The following GCM1 variants were observed in gnomAD, a reference collection of about 807,000 sequenced individuals.
GCM1 encodes the protein GCM transcription factor 1, also known as chorion-specific transcription factor GCMa.
In GCM1, 2 loss-of-function variants were observed where a neutral mutation model predicts 25.7. That is an observed-to-expected ratio of 0.08 (90% CI 0.03 to 0.24). The LOEUF (loss-of-function observed/expected upper bound fraction) is 0.24. GCM1 is among the 10% of genes least tolerant of loss of function. GCM1 has a pLI of 1.00. For missense variants in GCM1, 395 were observed against 538.7 expected (o/e 0.73, Z 2.64); for synonymous variants, 183 against 195.7 (o/e 0.94, Z 0.54).
In GCM1 at chr6:53,139,053, T is replaced by C. The variant is rs143266179; in HGVS notation, c.76-4729A>G. On this transcript the variant is annotated intron_variant, in intron 2 of 5. Transcript: ENST00000259803. ...TCATATTATGAAATTGATTTTCTTTTGGAATATAGTCTGCTCTTGCATAAA... is the reference window on the plus strand; with the variant it reads ...TCATATTATGAAATTGATTTTCTTTCGGAATATAGTCTGCTCTTGCATAAA... Among the ~76,000 whole-genome samples the C allele has an allele frequency of 3.4e-3, 523 of 152,354 alleles. 12 individuals carry two copies. In the East Asian group the frequency reaches 0.073, roughly 21 times the overall value.
chr6:53,145,811 TA>T (rs59049517), intron 1 of GCM1, 43 bp from the exon 2 acceptor site: 80,857 of 486,812 alleles, frequency 0.17, 8,097 homozygotes, highest in African/African-American at 0.33. Context: ...TAAAGAGATT[TA>T]AAAAAAAACC....
At chr6:53,137,711 G>A (rs2816341) in intron 2 of GCM1, among the ~76,000 whole-genome samples, 111,261 of 152,124 alleles carry the variant, frequency 0.73, 40,789 homozygotes, top group Admixed American at 0.77. Context: ...AATTATTCCA[G>A]TATAAAACAC....
chr6:53,143,168 G>T (rs1017004347), intron 2 of GCM1, among the ~76,000 whole-genome samples: 3 of 152,186 alleles, frequency 2.0e-5, no homozygotes, highest in Non-Finnish European at 4.4e-5. Flanking sequence ...TAACAAATTG[G>T]AAGACAGCTA....
At chr6:53,143,614 T>C (rs1763910765) in intron 2 of GCM1, among the ~76,000 whole-genome samples, 1 of 152,084 alleles carries the variant, frequency 6.6e-6, no homozygotes. Flanking sequence ...CCAAGAGAAA[T>C]TAAAGTTTAC....
Position 53,128,259 on chromosome 6 carries a change from C to T in GCM1, c.1258G>A (p.Gly420Ser), listed in dbSNP as rs952771233. The change falls in exon 6 of 6, where the codon GGT becomes AGT. Residue 420 changes from glycine to serine, a missense_variant. Gly to Ser is a moderately conservative substitution (Grantham distance 56). Around this residue, in one of 5 missense-constraint regions of GCM1, gnomAD observed 291 missense variants for 314.6 expected, o/e 0.92. Coordinates refer to ENST00000259803, the MANE Select transcript of GCM1 (RefSeq NM_003643.4). Reference protein sequence around the residue: ...WDFEEEMTYLGLDHCNNDMLL... With the variant: ...WDFEEEMTYLSLDHCNNDMLL... ...ATATCATTGTTGCAGTGATCCAAACCCAAGTATGTCATTTCTTCCTCAAAA... is the reference window on the plus strand; with the variant it reads ...ATATCATTGTTGCAGTGATCCAAACTCAAGTATGTCATTTCTTCCTCAAAA... 2 of 1,612,952 alleles carry T rather than the reference C, an allele frequency of 1.2e-6. No homozygotes were observed. The highest frequency in any genetic ancestry group is 1.7e-5 in the Admixed American group (1 of 60,002).
chr6:53,147,151 G>T (rs1317850556), intron 1 of GCM1, among the ~76,000 whole-genome samples: 1 of 152,080 alleles, frequency 6.6e-6, no homozygotes. Context: ...ACTATAATTG[G>T]TTAAAGGAGG....
Position 53,128,064 on chromosome 6 carries a change from A to AGG in GCM1, c.*141_*142insCC. 1 of 397,846 alleles carries AGG rather than the reference A, an allele frequency of 2.5e-6. No individual in the cohort carries two copies. Among genetic ancestry groups the AGG allele is most frequent in the Non-Finnish European group, 4.4e-6 (1 of 228,046 alleles). 24.6% of individuals were successfully genotyped at this position (397,846 alleles called of 1,614,324 possible). A position where few individuals can be genotyped will look rare whatever the true frequency, so the allele number is the denominator to read the frequency against. ...AAAAAAAAAAAAAAAGAAGGAAAAAAGAAAAAGAAAAAAGCCTTGTCTACT... is the reference window on the plus strand; with the variant it reads ...AAAAAAAAAAAAAAAGAAGGAAAAAAGGGAAAAAGAAAAAAGCCTTGTCTACT... On this transcript the variant is annotated 3_prime_UTR_variant, in exon 6 of 6. Transcript: ENST00000259803.
chr6:53,129,811 C>T (rs1469729174), intron 5 of GCM1, among the ~76,000 whole-genome samples: 1 of 151,970 alleles, frequency 6.6e-6, no homozygotes, highest in Non-Finnish European at 1.5e-5. Flanking sequence ...TTTTGTTGAA[C>T]CATAAATCAG....
At chr6:53,137,900 C>T (rs1763821982) in intron 2 of GCM1, among the ~76,000 whole-genome samples, 1 of 152,104 alleles carries the variant, frequency 6.6e-6, no homozygotes, top group Non-Finnish European at 1.5e-5. Flanking sequence ...AGACTCCTTG[C>T]CTGTAGAGGA....
At position 53,132,028 on chromosome 6, in the gene GCM1, G is replaced by T. The variant is rs187370387; in HGVS notation, c.420C>A (p.Asp140Glu). Residue 140 changes from aspartate to glutamate, a missense_variant, in exon 4 of 6, where the codon GAC becomes GAA. Around this residue, in one of 5 missense-constraint regions of GCM1, gnomAD observed 32 missense variants for 97.7 expected, o/e 0.33. Transcript: ENST00000259803. ...CAACCTGGAAAAATATAAAGCGTCCGTCGTGCCTCCAGAAGTTGGTGACCG... is the reference window on the plus strand; with the variant it reads ...CAACCTGGAAAAATATAAAGCGTCCTTCGTGCCTCCAGAAGTTGGTGACCG... ...GFPVTNFWRH[D>E]GRFIFFQSKG... is the part of the protein sequence containing the mutation. 2 of 1,607,748 alleles carry T rather than the reference G, an allele frequency of 1.2e-6. No homozygotes were observed. The highest frequency in any genetic ancestry group is 4.5e-5 in the East Asian group (2 of 44,862).
Position 53,132,085 on chromosome 6 carries a change from C to T in GCM1, c.363G>A (p.Lys121=), listed in dbSNP as rs1763735366. The T allele has an allele frequency of 1.9e-6, 3 of 1,612,912 alleles. No individual in the cohort carries two copies. Among genetic ancestry groups the T allele is most frequent in the Non-Finnish European group, 8.5e-7 (1 of 1,178,902 alleles). The change falls in exon 4 of 6, where the codon AAG becomes AAA. Residue 121 remains lysine, a synonymous_variant. Coordinates refer to ENST00000259803, the MANE Select transcript of GCM1 (RefSeq NM_003643.4). ...KRCPNCDGPL[K]LIPCRGHGGF... The stretch of plus-strand genomic sequence containing the variant: ...CCCCATGACCTCGGCAAGGGATGAG[C>T]TTCAGAGGCCCGTCACAGTTGGGAC...
chr6:53,144,567 T>G (rs1581856186), intron 2 of GCM1, among the ~76,000 whole-genome samples: 1 of 151,962 alleles, frequency 6.6e-6, no homozygotes, highest in African/African-American at 2.4e-5. Context: ...CAGAAGCGAG[T>G]GATTGCTTGA....
At chr6:53,144,795 G>T (rs951592973) in intron 2 of GCM1, among the ~76,000 whole-genome samples, 1 of 151,726 alleles carries the variant, frequency 6.6e-6, no homozygotes, top group Non-Finnish European at 1.5e-5. Flanking sequence ...TGTGCCTATG[G>T]TCCCAGCTAC....
intron 2 of GCM1, among the ~76,000 whole-genome samples, chr6:53,136,955 G>A (rs2816343): frequency 0.87 from 132,743 of 151,830 alleles, 58,098 homozygotes; most frequent in East Asian, 1. Flanking sequence ...CAGCCTGGGC[G>A]ACAAGAGTGA....
Position 53,127,489 on chromosome 6 carries a change from T to C in GCM1, c.*717A>G, listed in dbSNP as rs1763657030. 6.6e-6 allele frequency: 1 copy of C among 152,238 alleles called. No individual in the cohort carries two copies. Among genetic ancestry groups the C allele is most frequent in the Admixed American group, 6.5e-5 (1 of 15,272 alleles). The allele number at this position is 152,238 out of a possible 1,614,324, so 9.4% of individuals were successfully genotyped here. A position where few individuals can be genotyped will look rare whatever the true frequency, so the allele number is the denominator to read the frequency against. On this transcript the variant is annotated 3_prime_UTR_variant, in exon 6 of 6. Coordinates refer to ENST00000259803, the MANE Select transcript of GCM1 (RefSeq NM_003643.4). ...TCTATTTCTGTTTCTTCATTCTCAG[T>C]TCCCAAGAAGGCATAGATCAGGTCC...
intron 1 of GCM1, among the ~76,000 whole-genome samples, 156 bp downstream of exon 1, chr6:53,148,598 A>C (rs1048638730): frequency 6.6e-6 from 1 of 152,210 alleles, no homozygotes; most frequent in African/African-American, 2.4e-5. Context: ...TACACTTGTC[A>C]AGACTCCTTT....
chr6:53,132,043 G>A lies in GCM1; in HGVS notation c.405C>T (p.Asn135=), dbSNP rs751413458. ...TAAAGCGTCCGTCGTGCCTCCAGAA[G>A]TTGGTGACCGGGAAGCCCCCATGAC... ...CRGHGGFPVT[N]FWRHDGRFIF... Residue 135 remains asparagine, a synonymous_variant, in exon 4 of 6, where the codon AAC becomes AAT. Transcript: ENST00000259803. 1.2e-6 allele frequency: 2 copies of A among 1,612,702 alleles called. No homozygotes were observed. Among genetic ancestry groups the A allele is most frequent in the Admixed American group, 1.7e-5 (1 of 60,024 alleles).
rs541828689 is a variant in GCM1, at chr6:53,130,743, G to A, written c.570+60C>T. 116 of 1,446,734 alleles carry A rather than the reference G, an allele frequency of 8.0e-5. No homozygotes were observed. In the Admixed American group the frequency reaches 1.0e-3, roughly 13 times the overall value. 89.6% of individuals were successfully genotyped at this position (1,446,734 alleles called of 1,614,324 possible). On this transcript the variant is annotated intron_variant, in intron 5 of 5. Transcript: ENST00000259803. ...CAGCAAGGGACCCAGGAAATCTACC[G>A]CCCCCAGCACAGGCGTGGCAAGCTA...
chr6:53,137,891 G>C (rs955217564), intron 2 of GCM1, among the ~76,000 whole-genome samples: 4 of 152,162 alleles, frequency 2.6e-5, no homozygotes, highest in African/African-American at 9.7e-5. Flanking sequence ...TTAAAGCAAA[G>C]ACTCCTTGCC....
Sources: gnomAD v4.1 joint callset for allele counts (sites outside exome capture counted in the v4.1 genomes callset) on GRCh38, gnomAD v4.1.1 for gene constraint, gnomAD v4.1.1 regional missense constraint, MANE v1.5 for transcripts, NCBI Gene and HGNC (gene_info 2026-07-23, HGNC 2026-07-21) for gene names.